DOK6: variants seen among roughly 807,000 people sequenced by gnomAD.
The protein encoded by DOK6 is downstream of tyrosine kinase 6.
A neutral mutation model predicts 44.0 loss-of-function variants in DOK6; 22 were observed. That is an observed-to-expected ratio of 0.50 (90% CI 0.36 to 0.71). DOK6 has a LOEUF of 0.71. Among genes scored for constraint, DOK6 ranks in the 30% least tolerant of loss-of-function variants. The pLI is 0.00. For missense variants in DOK6, 340 were observed against 416.4 expected, an observed-to-expected ratio of 0.82 and a Z score of 1.60; for synonymous variants, 166 against 145.5, an observed-to-expected ratio of 1.14 and a Z score of -1.01.
chr18:69,820,940 G>C (rs1226174800), intron 7 of DOK6, among the ~76,000 whole-genome samples: 3 of 152,018 alleles, frequency 2.0e-5, no homozygotes, highest in Non-Finnish European at 4.4e-5. Flanking sequence ...AATAACTAAT[G>C]GGTACTAGGC....
intron 1 of DOK6, among the ~76,000 whole-genome samples, chr18:69,479,767 CTTAAG>C (rs940538116): frequency 2.6e-5 from 4 of 152,230 alleles, no homozygotes; most frequent in Admixed American, 1.3e-4. Context: ...ATTTAACACT[CTTAAG>C]TTGAGATATA....
At chr18:69,434,954 G>GGGAGGGAAGGAAGGAAGGAAGGAA (rs1366849019) in intron 1 of DOK6, among the ~76,000 whole-genome samples, 1 of 62,924 alleles carries the variant, frequency 1.6e-5, no homozygotes, top group Non-Finnish European at 3.4e-5. Flanking sequence ...GAGGGAGGGA[G>GGGAGGGAAGGAAGGAAGGAAGGAA]GGAAGGAAGG....
At chr18:69,566,420 A>G (rs985335764) in intron 2 of DOK6, among the ~76,000 whole-genome samples, 3 of 152,116 alleles carry the variant, frequency 2.0e-5, no homozygotes, top group East Asian at 3.9e-4. Context: ...ACAGGCGCGA[A>G]CCACCGCACC....
intron 7 of DOK6, among the ~76,000 whole-genome samples, chr18:69,822,464 G>T (rs1398182498): frequency 3.6e-5 from 3 of 82,684 alleles, no homozygotes; most frequent in East Asian, 3.4e-4. Context: ...GATGTAAAAA[G>T]TTCAGGTGGC....
chr18:69,510,523 CCAAA>C (rs35711340), intron 1 of DOK6, among the ~76,000 whole-genome samples: 36,343 of 151,800 alleles, frequency 0.24, 4,470 homozygotes, highest in Non-Finnish European at 0.26. Context: ...CATTTAAATA[CCAAA>C]CAGAGCGCCA....
At chr18:69,727,010 A>AT (rs940369443) in intron 5 of DOK6, among the ~76,000 whole-genome samples, 2 of 152,060 alleles carry the variant, frequency 1.3e-5, no homozygotes, top group Non-Finnish European at 2.9e-5. Flanking sequence ...GGATGCTGCC[A>AT]TGCCTGGCTA....
intron 6 of DOK6, among the ~76,000 whole-genome samples, chr18:69,740,126 A>T (rs1978752089): frequency 6.6e-6 from 1 of 152,174 alleles, no homozygotes; most frequent in East Asian, 1.9e-4. Flanking sequence ...AAAGGGCAAC[A>T]CAGGGCATTG....
At chr18:69,428,710 T>G (rs1978712766) in intron 1 of DOK6, among the ~76,000 whole-genome samples, 1 of 152,164 alleles carries the variant, frequency 6.6e-6, no homozygotes, top group Non-Finnish European at 1.5e-5. Flanking sequence ...GTCTAACATG[T>G]TCAAAAACAA....
chr18:69,448,880 G>A (rs1290738910), intron 1 of DOK6, among the ~76,000 whole-genome samples: 1 of 152,052 alleles, frequency 6.6e-6, no homozygotes, highest in Non-Finnish European at 1.5e-5. Context: ...TTCAGATGTG[G>A]CAATATATTT....
chr18:69,632,954 C>A (rs1599232343), intron 3 of DOK6, among the ~76,000 whole-genome samples: 1 of 152,294 alleles, frequency 6.6e-6, no homozygotes, highest in East Asian at 1.9e-4. Context: ...GTGGCCTCCC[C>A]TGAGTCCTCA....
intron 1 of DOK6, among the ~76,000 whole-genome samples, chr18:69,411,844 C>T (rs935239239): frequency 1.3e-5 from 2 of 152,096 alleles, no homozygotes; most frequent in Non-Finnish European, 2.9e-5. Context: ...CAAGTAATTA[C>T]TACCTTATCT....
At chr18:69,519,759 T>G (rs923618070) in intron 1 of DOK6, among the ~76,000 whole-genome samples, 2 of 151,890 alleles carry the variant, frequency 1.3e-5, no homozygotes, top group Non-Finnish European at 3.0e-5. Context: ...CTCAAAGTGT[T>G]TGAAATAATG....
At chr18:69,797,993 ACT>A (rs2145103300) in intron 7 of DOK6, among the ~76,000 whole-genome samples, 1 of 152,226 alleles carries the variant, frequency 6.6e-6, no homozygotes, top group African/African-American at 2.4e-5. Flanking sequence ...TCTAATCAAG[ACT>A]CTATATCTGC....
At chr18:69,703,079 T>C (rs1220944172) in intron 5 of DOK6, among the ~76,000 whole-genome samples, 1 of 151,906 alleles carries the variant, frequency 6.6e-6, no homozygotes, top group African/African-American at 2.4e-5. Context: ...CCTGGTATTA[T>C]CATAGCAAGA....
intron 1 of DOK6, among the ~76,000 whole-genome samples, chr18:69,419,295 C>A (rs1039006368): frequency 1.4e-4 from 21 of 152,104 alleles, no homozygotes; most frequent in Non-Finnish European, 2.9e-4. Context: ...TATCTTGATA[C>A]TCATGGTTTT....
intron 1 of DOK6, among the ~76,000 whole-genome samples, chr18:69,547,632 A>C (rs1982441954): frequency 6.6e-6 from 1 of 151,350 alleles, no homozygotes; most frequent in South Asian, 2.1e-4. Flanking sequence ...TCTGCTATCT[A>C]ACGTTAGAAC....
chr18:69,845,001 T>G lies in DOK6; in HGVS notation c.*3618T>G, dbSNP rs1568144166. The G allele has an allele frequency of 6.6e-6, 1 of 152,220 alleles. No individual in the cohort carries two copies. Among genetic ancestry groups the G allele is most frequent in the East Asian group, 1.9e-4 (1 of 5,204 alleles). The allele number at this position is 152,220 out of a possible 1,614,324, so 9.4% of individuals were successfully genotyped here. A position where few individuals can be genotyped will look rare whatever the true frequency, so the allele number is the denominator to read the frequency against. On this transcript the variant is annotated 3_prime_UTR_variant, in exon 8 of 8. Coordinates refer to ENST00000382713, the MANE Select transcript of DOK6 (RefSeq NM_152721.6). ...GGTAGTAGTTTCTACAGATCCAGTT[T>G]ATTGCATGTCGTATCTTTATTGTAG...
At chr18:69,684,725 G>A (rs1351581337) in intron 4 of DOK6, among the ~76,000 whole-genome samples, 1 of 152,194 alleles carries the variant, frequency 6.6e-6, no homozygotes, top group Non-Finnish European at 1.5e-5. Flanking sequence ...AGACTAGAAT[G>A]TGATTTTCCC....
chr18:69,738,846 C>T (rs1212152754), intron 5 of DOK6, 119 bp from the exon 6 acceptor site: 8 of 1,274,400 alleles, frequency 6.3e-6, no homozygotes, highest in Non-Finnish European at 7.6e-6. Flanking sequence ...ATCAGCCTCA[C>T]TAACTCCTGT....
Sources: gnomAD v4.1 joint callset for allele counts (sites outside exome capture counted in the v4.1 genomes callset) on GRCh38, gnomAD v4.1.1 for gene constraint, MANE v1.5 for transcripts, NCBI Gene and HGNC (gene_info 2026-07-23, HGNC 2026-07-21) for gene names.